The following CDH23 variants were observed in gnomAD, a reference collection of about 807,000 sequenced individuals.
The protein encoded by CDH23 is cadherin related 23, also known as cadherin-23.
CDH23 carries 189 observed loss-of-function variants against 317.1 expected under a neutral mutation model. The observed-to-expected ratio is 0.60, with a 90% CI of 0.53 to 0.67. CDH23 has a LOEUF of 0.67. Ranked by LOEUF, CDH23 falls within the 30% of genes least tolerant of loss-of-function variation. CDH23 has a pLI of 0.00. For missense variants in CDH23, 4,401 were observed against 4,592.4 expected (o/e 0.96, Z 1.20); for synonymous variants, 1,839 against 1,876.8 (o/e 0.98, Z 0.52).
At chr10:71,688,851 T>C (rs367624902) in intron 19 of CDH23, among the ~76,000 whole-genome samples, 20 of 68,674 alleles carry the variant, frequency 2.9e-4, no homozygotes, top group Admixed American at 6.4e-4. Flanking sequence ...GGTGGTGGAG[T>C]CAGGGGTGGT....
intron 6 of CDH23, among the ~76,000 whole-genome samples, chr10:71,528,351 G>A (rs896121126): frequency 2.0e-5 from 3 of 152,156 alleles, no homozygotes; most frequent in African/African-American, 7.2e-5. Context: ...GAGGCAGGGC[G>A]TATGTTGGTA....
rs773533478 is a variant in CDH23, at chr10:71,687,669, C to A, written c.2009C>A (p.Thr670Asn). The A allele has an allele frequency of 1.9e-6, 3 of 1,613,920 alleles. No homozygotes were observed. In the South Asian group the frequency reaches 3.3e-5, roughly 18 times the overall value. ...CAGGATGAGAATGACAACCCTCCCA[C>A]CTTCAGCAAGCCCGCCTACTTCGTC... ...EVFDENDNPP[T>N]FSKPAYFVSV... The change falls in exon 19 of 70, where the codon ACC becomes AAC. Residue 670 changes from threonine (T) to asparagine (N), a missense_variant. Thr to Asn is a moderately conservative substitution (Grantham distance 65). Around this residue, in one of 3 missense-constraint regions of CDH23, gnomAD observed 3,068 missense variants for 3,203.3 expected, o/e 0.96. Coordinates refer to ENST00000224721, the MANE Select transcript of CDH23 (RefSeq NM_022124.6).
chr10:71,610,016 A>AGAC (rs1860778630), intron 9 of CDH23, among the ~76,000 whole-genome samples: 1 of 151,660 alleles, frequency 6.6e-6, no homozygotes, highest in Non-Finnish European at 1.5e-5. Flanking sequence ...GAGAGACGAG[A>AGAC]GAGAGAGAGA....
At chr10:71,464,678 A>T (rs142750369) in intron 3 of CDH23, among the ~76,000 whole-genome samples, 1 of 152,108 alleles carries the variant, frequency 6.6e-6, no homozygotes, top group East Asian at 1.9e-4. Flanking sequence ...TGGGAGTGGG[A>T]GTGAGTGGGT....
intron 26 of CDH23, among the ~76,000 whole-genome samples, chr10:71,707,841 G>T (rs1038309541): frequency 1.3e-5 from 2 of 152,050 alleles, no homozygotes; most frequent in African/African-American, 4.8e-5. Context: ...CTGTACACAC[G>T]AGCAGGGCAC....
rs747377857 is a variant in CDH23, at chr10:71,793,373, C to A, written c.6445C>A (p.Arg2149=). 1 of 1,613,776 alleles carries A rather than the reference C, an allele frequency of 6.2e-7. No individual in the cohort carries two copies. The highest frequency in any genetic ancestry group is 8.5e-7 in the Non-Finnish European group (1 of 1,179,890). ...SYRLTVVATD[R]GTVPLSGTAI... ...CAGGCTAACGGTGGTGGCCACCGAC[C>A]GGGGCACCGTTCCTCTCTCGGGCAC... The change falls in exon 48 of 70, where the codon CGG becomes AGG. Residue 2149 remains arginine, a synonymous_variant. Transcript: ENST00000224721.
chr10:71,730,433 C>A, intron 30 of CDH23, 36 bp from the exon 31 acceptor site: 3 of 1,608,818 alleles, frequency 1.9e-6, no homozygotes, highest in East Asian at 2.2e-5. Flanking sequence ...GCCTCCACCC[C>A]ACCCTGACCT....
At chr10:71,566,353 G>C (rs1045891593) in intron 6 of CDH23, among the ~76,000 whole-genome samples, 1 of 152,170 alleles carries the variant, frequency 6.6e-6, no homozygotes, top group Non-Finnish European at 1.5e-5. Flanking sequence ...TGGTCTGTCT[G>C]TGAAGGGCTG....
chr10:71,708,713 C>T (rs904165041), intron 26 of CDH23, among the ~76,000 whole-genome samples: 3 of 152,220 alleles, frequency 2.0e-5, no homozygotes, highest in African/African-American at 4.8e-5. Flanking sequence ...GCTGCTCAGA[C>T]GCTTCTGCAG....
At chr10:71,430,768 C>T (rs1183165498) in intron 1 of CDH23, among the ~76,000 whole-genome samples, 2 of 151,878 alleles carry the variant, frequency 1.3e-5, no homozygotes, top group African/African-American at 2.4e-5. Context: ...TGCAGTGAGC[C>T]GAGATCGCGC....
intron 30 of CDH23, among the ~76,000 whole-genome samples, chr10:71,727,498 G>T (rs1351144590): frequency 6.6e-6 from 1 of 152,206 alleles, no homozygotes. Flanking sequence ...CTGGCTTTCC[G>T]CTGGACTCAT....
intron 6 of CDH23, among the ~76,000 whole-genome samples, chr10:71,538,499 C>T (rs1217676285): frequency 1.3e-5 from 2 of 152,142 alleles, no homozygotes; most frequent in South Asian, 2.1e-4. Context: ...GCCATTGGCC[C>T]GCCCCAGCCA....
chr10:71,471,509 C>T (rs1002792560), intron 3 of CDH23, among the ~76,000 whole-genome samples: 10 of 150,350 alleles, frequency 6.7e-5, no homozygotes, highest in African/African-American at 2.5e-4. Flanking sequence ...CGATTTCCCT[C>T]ATATTTGCTT....
At chr10:71,594,043 A>G (rs1376496712) in intron 9 of CDH23, among the ~76,000 whole-genome samples, 2 of 152,176 alleles carry the variant, frequency 1.3e-5, no homozygotes, top group African/African-American at 4.8e-5. Flanking sequence ...ACAGTGAGCT[A>G]TGATCATGCC....
At chr10:71,769,702 T>A (rs1440352241) in intron 38 of CDH23, among the ~76,000 whole-genome samples, 1 of 152,182 alleles carries the variant, frequency 6.6e-6, no homozygotes, top group African/African-American at 2.4e-5. Flanking sequence ...GAGGCAGGGT[T>A]TGACCCCAGG....
At chr10:71,533,031 C>A (rs10999868) in intron 6 of CDH23, among the ~76,000 whole-genome samples, 10,424 of 152,244 alleles carry the variant, frequency 0.068, 584 homozygotes, top group East Asian at 0.24. Context: ...TGCGCCCAGC[C>A]GAGTATTTTT....
intron 3 of CDH23, among the ~76,000 whole-genome samples, chr10:71,509,401 T>C (rs925852385): frequency 6.6e-6 from 1 of 152,236 alleles, no homozygotes; most frequent in Non-Finnish European, 1.5e-5. Context: ...AGGATGGAGC[T>C]AATGTCAGCA....
chr10:71,711,389 A>C (rs539681320), intron 27 of CDH23, among the ~76,000 whole-genome samples: 4 of 152,142 alleles, frequency 2.6e-5, no homozygotes, highest in Non-Finnish European at 5.9e-5. Flanking sequence ...CTGGGGAAGA[A>C]GGATGGCGTC....
chr10:71,644,018 G>A (rs1310943071), intron 12 of CDH23, among the ~76,000 whole-genome samples, 152 bp downstream of exon 12: 1 of 152,370 alleles, frequency 6.6e-6, no homozygotes, highest in South Asian at 2.1e-4. Context: ...TTCAGGGGAA[G>A]GAGAGGAGTT....
Sources: allele counts gnomAD v4.1 joint callset (sites outside exome capture counted in the v4.1 genomes callset), GRCh38; gene constraint gnomAD v4.1.1; regional missense constraint gnomAD v4.1.1; transcripts MANE v1.5; gene names NCBI Gene and HGNC (gene_info 2026-07-23, HGNC 2026-07-21).